CLSTN2: variants seen among roughly 807,000 people sequenced by gnomAD.
CLSTN2 encodes calsyntenin-2.
CLSTN2 carries 48 observed loss-of-function variants against 101.2 expected under a neutral mutation model. That is an observed-to-expected ratio of 0.47 (90% CI 0.38 to 0.60). The LOEUF (loss-of-function observed/expected upper bound fraction) is 0.60, where lower values mean the gene tolerates loss of function less well. Ranked by LOEUF, CLSTN2 falls within the 20% of genes least tolerant of loss-of-function variation. The pLI is 0.00. For missense variants in CLSTN2, 1,160 were observed against 1,238.2 expected (o/e 0.94, Z 0.95); for synonymous variants, 481 against 463.6 (o/e 1.04, Z -0.48).
intron 9 of CLSTN2, among the ~76,000 whole-genome samples, chr3:140,538,128 G>GGAGA (rs1935394307): frequency 6.6e-6 from 1 of 152,196 alleles, no homozygotes; most frequent in Non-Finnish European, 1.5e-5. Flanking sequence ...TATTCTTGGT[G>GGAGA]GAGATCTCAT....
At chr3:140,156,620 A>C (rs2009958016) in intron 1 of CLSTN2, among the ~76,000 whole-genome samples, 1 of 152,126 alleles carries the variant, frequency 6.6e-6, no homozygotes, top group Admixed American at 6.6e-5. Flanking sequence ...CCAGTGACTG[A>C]GTGTGGGGAT....
intron 1 of CLSTN2, among the ~76,000 whole-genome samples, chr3:139,959,475 A>G (rs1935466236): frequency 1.3e-5 from 2 of 152,162 alleles, no homozygotes; most frequent in South Asian, 4.1e-4. Flanking sequence ...ACATCCACAC[A>G]TTCTGCAGAA....
intron 12 of CLSTN2, among the ~76,000 whole-genome samples, chr3:140,560,388 C>A (rs185820846): frequency 6.6e-6 from 1 of 152,318 alleles, no homozygotes; most frequent in African/African-American, 2.4e-5. Flanking sequence ...TTAGTTCACA[C>A]CTTTGCTCTG....
chr3:140,150,191 C>T (rs1394611632), intron 1 of CLSTN2, among the ~76,000 whole-genome samples: 1 of 152,170 alleles, frequency 6.6e-6, no homozygotes, highest in African/African-American at 2.4e-5. Context: ...CTATTGTGTG[C>T]CCAGGCATTG....
Position 140,032,330 on chromosome 3 carries a change from T to C in CLSTN2, c.109+96847T>C, listed in dbSNP as rs1314700635. Among the ~76,000 whole-genome samples, 10 of 148,530 alleles carry C rather than the reference T, an allele frequency of 6.7e-5. No homozygotes were observed. In the Middle Eastern group the frequency reaches 0.01, roughly 155 times the overall value. Reference sequence around the variant, plus strand: ...AAGCCTAAGATCAAGGGCTAACAAGTACTTTTTTTTTTTTTTTTTTTTGAG... The same window carrying C: ...AAGCCTAAGATCAAGGGCTAACAAGCACTTTTTTTTTTTTTTTTTTTTGAG... On this transcript the variant is annotated intron_variant, in intron 1 of 16. Transcript: ENST00000458420.
At chr3:140,241,930 C>T (rs2086472548) in intron 2 of CLSTN2, among the ~76,000 whole-genome samples, 1 of 147,668 alleles carries the variant, frequency 6.8e-6, no homozygotes, top group South Asian at 2.2e-4. Context: ...TAATTTGACA[C>T]AGAGTGTCAC....
chr3:140,556,623 G>C lies in CLSTN2; in HGVS notation c.1785G>C (p.Thr595=). The C allele has an allele frequency of 6.2e-7, 1 of 1,614,078 alleles. No individual in the cohort carries two copies. Among genetic ancestry groups the C allele is most frequent in the Non-Finnish European group, 8.5e-7 (1 of 1,179,964 alleles). ...VSYINSRQFP[T]AGVRRLKVSS... ...ACATCAACTCCAGGCAGTTCCCAAC[G>C]GCGGGTGTGCGGCGCCTCAAAGTAT... The change falls in exon 11 of 17, where the codon ACG becomes ACC. Residue 595 remains threonine (T), a synonymous_variant. Coordinates refer to ENST00000458420, the MANE Select transcript of CLSTN2 (RefSeq NM_022131.3).
At chr3:140,246,527 G>A (rs1246076621) in intron 2 of CLSTN2, among the ~76,000 whole-genome samples, 1 of 152,176 alleles carries the variant, frequency 6.6e-6, no homozygotes, top group East Asian at 1.9e-4. Context: ...TCCTAGGCCT[G>A]TGTTTTCTGG....
At chr3:140,284,983 C>A (rs1441319537) in intron 2 of CLSTN2, among the ~76,000 whole-genome samples, 3 of 151,914 alleles carry the variant, frequency 2.0e-5, no homozygotes, top group Non-Finnish European at 4.4e-5. Flanking sequence ...AGGTTTATTG[C>A]AAGAGATAGG....
intron 1 of CLSTN2, among the ~76,000 whole-genome samples, chr3:139,941,927 A>C (rs574799637): frequency 5.1e-4 from 77 of 152,290 alleles, no homozygotes; most frequent in African/African-American, 1.8e-3. Flanking sequence ...GAAGGAGGTA[A>C]ATCTACAATC....
intron 8 of CLSTN2, among the ~76,000 whole-genome samples, chr3:140,503,768 C>G (rs349505): frequency 6.6e-6 from 1 of 151,906 alleles, no homozygotes; most frequent in South Asian, 2.1e-4. Flanking sequence ...TTAAAGACAG[C>G]AGAAAAAAGA....
chr3:140,429,910 C>G (rs1332273920), intron 5 of CLSTN2, among the ~76,000 whole-genome samples: 1 of 152,104 alleles, frequency 6.6e-6, no homozygotes, highest in Non-Finnish European at 1.5e-5. Flanking sequence ...TACACCTTGT[C>G]AAGTGTATGT....
chr3:140,346,867 T>C (rs906031659), intron 2 of CLSTN2, among the ~76,000 whole-genome samples: 8 of 152,172 alleles, frequency 5.3e-5, no homozygotes, highest in Non-Finnish European at 1.2e-4. Context: ...ATGGTTAATA[T>C]TGGGAACTTG....
chr3:140,224,087 G>A (rs954604852), intron 2 of CLSTN2, among the ~76,000 whole-genome samples: 5 of 152,178 alleles, frequency 3.3e-5, no homozygotes, highest in East Asian at 3.9e-4. Flanking sequence ...AGTGGTCCCC[G>A]GGTATGTTTT....
intron 1 of CLSTN2, among the ~76,000 whole-genome samples, chr3:139,996,172 G>A (rs979600034): frequency 1.3e-5 from 2 of 151,824 alleles, no homozygotes; most frequent in Non-Finnish European, 2.9e-5. Context: ...AAATTGTTTG[G>A]TTTTACTTGT....
chr3:140,091,265 T>A (rs1364389020), intron 1 of CLSTN2, among the ~76,000 whole-genome samples: 1 of 151,970 alleles, frequency 6.6e-6, no homozygotes, highest in Non-Finnish European at 1.5e-5. Flanking sequence ...CAGGGAGAGA[T>A]GACTCAGCTG....
chr3:140,285,434 A>G (rs1042673868), intron 2 of CLSTN2, among the ~76,000 whole-genome samples: 7 of 152,034 alleles, frequency 4.6e-5, no homozygotes, highest in African/African-American at 1.7e-4. Flanking sequence ...GTACAGGTTG[A>G]TCCTACAGAC....
chr3:140,499,388 C>A (rs1337881910), intron 8 of CLSTN2, among the ~76,000 whole-genome samples: 3 of 152,228 alleles, frequency 2.0e-5, no homozygotes, highest in African/African-American at 7.2e-5. Context: ...TACTTACTGT[C>A]TTCAAGGACC....
At chr3:140,311,101 AG>A (rs1311898358) in intron 2 of CLSTN2, among the ~76,000 whole-genome samples, 1 of 152,150 alleles carries the variant, frequency 6.6e-6, no homozygotes, top group Non-Finnish European at 1.5e-5. Flanking sequence ...CAGATTGGGC[AG>A]TGAGTCAATA....
Sources: allele counts gnomAD v4.1 joint callset (sites outside exome capture counted in the v4.1 genomes callset), GRCh38; gene constraint gnomAD v4.1.1; transcripts MANE v1.5; gene names NCBI Gene and HGNC (gene_info 2026-07-23, HGNC 2026-07-21).